CXCL12: variants seen among roughly 807,000 people sequenced by gnomAD.
CXCL12 encodes the protein C-X-C motif chemokine ligand 12.
In CXCL12, 4 loss-of-function variants were observed where a neutral mutation model predicts 10.7. The observed-to-expected ratio is 0.37, with a 90% CI of 0.18 to 0.86. CXCL12 has a LOEUF of 0.86. Ranked by LOEUF, CXCL12 falls within the 40% of genes least tolerant of loss-of-function variation. The pLI, the probability that CXCL12 is intolerant of heterozygous loss-of-function variation, is 0.43. For synonymous variants in CXCL12, 54 were observed against 45.4 expected, an observed-to-expected ratio of 1.19 and a Z score of -0.77; for missense variants, 122 against 110.4, an observed-to-expected ratio of 1.10 and a Z score of -0.47.
Position 44,377,435 on chromosome 10 carries a change from C to A in CXCL12, c.*1198G>T. On this transcript the variant is annotated 3_prime_UTR_variant, in exon 3 of 3. Coordinates refer to ENST00000343575, the MANE Select transcript of CXCL12 (RefSeq NM_199168.4). ...CACAAAAATATATATAAAAAAATGC[C>A]TTGCAAAAAGTTACAAATACCACCA... The A allele has an allele frequency of 5.3e-6, 6 of 1,132,596 alleles. No individual in the cohort carries two copies. Among genetic ancestry groups the A allele is most frequent in the Non-Finnish European group, 6.5e-6 (6 of 924,644 alleles). 70.2% of individuals were successfully genotyped at this position (1,132,596 alleles called of 1,614,324 possible).
Position 44,377,915 on chromosome 10 carries a change from T to A in CXCL12, c.*718A>T. On this transcript the variant is annotated 3_prime_UTR_variant, in exon 3 of 3. Coordinates refer to ENST00000343575, the MANE Select transcript of CXCL12 (RefSeq NM_199168.4). ...TGCGGCGCTGATCAGGCTACAGAAATGAGAAGCAGAAGCAAGATTAAGCAT... is the reference window on the plus strand; with the variant it reads ...TGCGGCGCTGATCAGGCTACAGAAAAGAGAAGCAGAAGCAAGATTAAGCAT... 2 of 1,550,440 alleles carry A rather than the reference T, an allele frequency of 1.3e-6. No homozygotes were observed. The highest frequency in any genetic ancestry group is 1.7e-6 in the Non-Finnish European group (2 of 1,157,172).
chr10:44,378,049 G>C lies in CXCL12; in HGVS notation c.*584C>G. 1 of 1,478,848 alleles carries C rather than the reference G, an allele frequency of 6.8e-7. No individual in the cohort carries two copies. Among genetic ancestry groups the C allele is most frequent in the Non-Finnish European group, 8.9e-7 (1 of 1,125,288 alleles). 91.6% of individuals were successfully genotyped at this position (1,478,848 alleles called of 1,614,324 possible). On this transcript the variant is annotated 3_prime_UTR_variant, in exon 3 of 3. Transcript: ENST00000343575. ...GCCCACAGAGCCAATCACTGAGGTT[G>C]AAAGAGGAGGTGAAGGCAGTGGCGG...
Position 44,378,550 on chromosome 10 carries a change from C to G in CXCL12, c.*83G>C. The G allele has an allele frequency of 6.2e-7, 1 of 1,604,360 alleles. No individual in the cohort carries two copies. On this transcript the variant is annotated 3_prime_UTR_variant, in exon 3 of 3. Transcript: ENST00000343575. ...GTCCTCATGGTTAAGGCCCCCTCCCCCACGTCTTTGCCCTTTCATCTCTCA... is the reference window on the plus strand; with the variant it reads ...GTCCTCATGGTTAAGGCCCCCTCCCGCACGTCTTTGCCCTTTCATCTCTCA...
chr10:44,372,706 A>T, downstream of CXCL12: 1 of 1,426,162 alleles, frequency 7.0e-7, no homozygotes, highest in Non-Finnish European at 9.1e-7. Flanking sequence ...AACGTGGAGG[A>T]TGTGGAGGTG....
At chr10:44,372,670 T>C (rs948374389), downstream of CXCL12, 4 of 1,404,260 alleles carry the variant, frequency 2.8e-6, no homozygotes, top group African/African-American at 1.4e-5. Context: ...CACATGATGA[T>C]GGATGAGACA....
Position 44,377,357 on chromosome 10 carries a change from T to C in CXCL12, c.*1276A>G. On this transcript the variant is annotated 3_prime_UTR_variant, in exon 3 of 3. Coordinates refer to ENST00000343575, the MANE Select transcript of CXCL12 (RefSeq NM_199168.4). Reference sequence around the variant, plus strand: ...TTCAAATATATGAATTGTTCGACTATAAATATATTTTGAAATACATTTGTT... The same window carrying C: ...TTCAAATATATGAATTGTTCGACTACAAATATATTTTGAAATACATTTGTT... 9.4e-7 allele frequency: 1 copy of C among 1,068,698 alleles called. No individual in the cohort carries two copies. The highest frequency in any genetic ancestry group is 1.1e-6 in the Non-Finnish European group (1 of 880,164). The allele number at this position is 1,068,698 out of a possible 1,614,324, so 66.2% of individuals were successfully genotyped here.
Position 44,378,080 on chromosome 10 carries a change from A to G in CXCL12, c.*553T>C. ...GGAGGTGAAGGCAGTGGCGGCGCCC[A>G]GCCCCAGTCGGTATCTGAGTGCCAC... On this transcript the variant is annotated 3_prime_UTR_variant, in exon 3 of 3. Coordinates refer to ENST00000343575, the MANE Select transcript of CXCL12 (RefSeq NM_199168.4). 5 of 1,455,740 alleles carry G rather than the reference A, an allele frequency of 3.4e-6. No individual in the cohort carries two copies. The highest frequency in any genetic ancestry group is 4.5e-6 in the Non-Finnish European group (5 of 1,112,894). The allele number at this position is 1,455,740 out of a possible 1,614,324, so 90.2% of individuals were successfully genotyped here.
downstream of CXCL12, chr10:44,373,425 C>A (rs747338701): frequency 3.9e-6 from 5 of 1,273,590 alleles, no homozygotes; most frequent in South Asian, 1.3e-5. Context: ...GCGGCCTGCG[C>A]GGAGGCCCTG....
chr10:44,380,962 A>G (rs780516182), intron 1 of CXCL12, 82 bp from the exon 2 acceptor site: 1 of 1,113,032 alleles, frequency 9.0e-7, no homozygotes, highest in Non-Finnish European at 1.4e-6. Context: ...CAGTTGGTGC[A>G]GCGATTAAGG....
downstream of CXCL12, chr10:44,374,523 AG>A: frequency 2.2e-6 from 1 of 456,086 alleles, no homozygotes; most frequent in Non-Finnish European, 4.4e-6. Context: ...TGCTGGCAAG[AG>A]GAACGTGGGC....
downstream of CXCL12, chr10:44,374,806 GC>G: frequency 2.5e-6 from 1 of 400,480 alleles, no homozygotes; most frequent in South Asian, 1.9e-5. Context: ...TGCAGGGTGG[GC>G]GGGTGTTTAT....
downstream of CXCL12, chr10:44,373,370 C>T (rs752455697): frequency 6.3e-7 from 1 of 1,593,364 alleles, no homozygotes; most frequent in Admixed American, 1.7e-5. Flanking sequence ...AGGGAAACAC[C>T]ATTAAGGCAG....
intron 1 of CXCL12, among the ~76,000 whole-genome samples, chr10:44,384,740 G>A (rs1263923863): frequency 2.6e-5 from 4 of 152,350 alleles, no homozygotes; most frequent in African/African-American, 9.6e-5. Flanking sequence ...TCAGGCGGTC[G>A]CTCTCTGCAG....
At chr10:44,373,650 C>G (rs890078721), downstream of CXCL12, among the ~76,000 whole-genome samples, 9 of 152,220 alleles carry the variant, frequency 5.9e-5, no homozygotes, top group African/African-American at 2.2e-4. Flanking sequence ...ACGACGGGGA[C>G]AGGGCACACT....
exon 4 of CXCL12, chr10:44,370,615 C>T (rs1340045120): frequency 2.0e-5 from 3 of 152,228 alleles, no homozygotes; most frequent in African/African-American, 7.2e-5. Context: ...GCGATCAACT[C>T]CCAGTCAGGG....
chr10:44,384,896 G>A (rs1588906263), intron 1 of CXCL12, 49 bp downstream of exon 1: 4 of 1,504,814 alleles, frequency 2.7e-6, no homozygotes, highest in South Asian at 1.2e-5. Flanking sequence ...CGCCGGGCGG[G>A]AGCCGAAGCC....
intron 1 of CXCL12, among the ~76,000 whole-genome samples, chr10:44,382,256 A>C (rs1839654696): frequency 6.6e-6 from 1 of 152,226 alleles, no homozygotes; most frequent in Non-Finnish European, 1.5e-5. Flanking sequence ...CTCTGGGGCC[A>C]GCTTCCAGCA....
At chr10:44,371,913 G>A (rs536823574), downstream of CXCL12, 4 of 152,360 alleles carry the variant, frequency 2.6e-5, no homozygotes, top group East Asian at 5.8e-4. Context: ...CAGCTCTATC[G>A]ACTGCCCTCA....
downstream of CXCL12, chr10:44,372,984 C>T: frequency 1.3e-6 from 2 of 1,536,042 alleles, no homozygotes. Flanking sequence ...GCTCCCTCAG[C>T]CCAGTCTCCC....
Sources: gnomAD v4.1 joint callset for allele counts (sites outside exome capture counted in the v4.1 genomes callset) on GRCh38, gnomAD v4.1.1 for gene constraint, MANE v1.5 for transcripts, NCBI Gene and HGNC (gene_info 2026-07-23, HGNC 2026-07-21) for gene names.